Variants in AUTS2 observed in about 807,000 individuals in gnomAD.
AUTS2 encodes the protein activator of transcription and developmental regulator AUTS2, also known as autism susceptibility gene 2 protein.
AUTS2 carries 17 observed loss-of-function variants against 112.4 expected under a neutral mutation model. The ratio of observed to expected loss-of-function variants is 0.15; its 90% CI spans 0.10 to 0.23. The LOEUF (loss-of-function observed/expected upper bound fraction) is 0.23, where lower values mean the gene tolerates loss of function less well. AUTS2 is among the 10% of genes least tolerant of loss of function. The probability of loss-of-function intolerance (pLI) is 1.00; values close to 1 mark genes in which losing one functional copy is unlikely to be tolerated. For synonymous variants in AUTS2, 751 were observed against 702.7 expected, an observed-to-expected ratio of 1.07 and a Z score of -1.09; for missense variants, 1,510 against 1,701.6, an observed-to-expected ratio of 0.89 and a Z score of 1.98.
intron 4 of AUTS2, among the ~76,000 whole-genome samples, chr7:70,324,561 G>C (rs1318735483): frequency 6.6e-6 from 1 of 151,948 alleles, no homozygotes; most frequent in Non-Finnish European, 1.5e-5. Context: ...GCGGTTCAAG[G>C]CTACAGTAAA....
intron 4 of AUTS2, among the ~76,000 whole-genome samples, chr7:70,367,050 T>C (rs570388296): frequency 1.2e-4 from 19 of 152,206 alleles, no homozygotes; most frequent in African/African-American, 4.6e-4. Context: ...TCTGGGTGGC[T>C]GAGATGGGCA....
At chr7:70,342,505 G>A (rs997051315) in intron 4 of AUTS2, among the ~76,000 whole-genome samples, 1 of 152,106 alleles carries the variant, frequency 6.6e-6, no homozygotes. Context: ...TTCCCATGAT[G>A]TTGGAAGTGT....
At chr7:69,776,053 C>T (rs902801054) in intron 1 of AUTS2, among the ~76,000 whole-genome samples, 1 of 152,120 alleles carries the variant, frequency 6.6e-6, no homozygotes, top group African/African-American at 2.4e-5. Flanking sequence ...TCAGTGCTTA[C>T]TTAGTTGGTC....
chr7:70,654,572 G>T (rs1806672456), intron 5 of AUTS2, among the ~76,000 whole-genome samples: 1 of 152,090 alleles, frequency 6.6e-6, no homozygotes, highest in South Asian at 2.1e-4. Context: ...AGAAAAATTA[G>T]GGGTTAGTAA....
At chr7:69,651,451 C>T (rs1303875063) in intron 1 of AUTS2, among the ~76,000 whole-genome samples, 3 of 152,202 alleles carry the variant, frequency 2.0e-5, no homozygotes, top group East Asian at 1.9e-4. Flanking sequence ...TTTGAACTAG[C>T]GTGTTCTGGG....
At chr7:70,672,638 C>G (rs971235361) in intron 5 of AUTS2, among the ~76,000 whole-genome samples, 7 of 152,026 alleles carry the variant, frequency 4.6e-5, no homozygotes, top group Admixed American at 2.6e-4. Flanking sequence ...GAATCTCACT[C>G]TGTCACCAGG....
intron 1 of AUTS2, among the ~76,000 whole-genome samples, chr7:69,879,716 A>C (rs1291019569): frequency 6.6e-6 from 1 of 152,234 alleles, no homozygotes; most frequent in Non-Finnish European, 1.5e-5. Flanking sequence ...TAGTGAGTGT[A>C]GCATAGGCTC....
chr7:70,705,144 T>C (rs1436502550), intron 6 of AUTS2, among the ~76,000 whole-genome samples: 1 of 152,234 alleles, frequency 6.6e-6, no homozygotes, highest in African/African-American at 2.4e-5. Context: ...TAAAACTCTA[T>C]TGTTTTGCGG....
At chr7:69,692,297 T>G (rs1263893029) in intron 1 of AUTS2, among the ~76,000 whole-genome samples, 1 of 152,156 alleles carries the variant, frequency 6.6e-6, no homozygotes, top group Non-Finnish European at 1.5e-5. Context: ...TCCTTTGAAA[T>G]GAGGAGTTTT....
rs1004014060 is a variant in AUTS2 at position 70,767,892 on chromosome 7, G to A, written c.1690-132G>A. The A allele has an allele frequency of 9.8e-6, 8 of 813,952 alleles. No homozygotes were observed. In the Admixed American group the frequency reaches 1.9e-4, roughly 20 times the overall value. 50.4% of individuals were successfully genotyped at this position (813,952 alleles called of 1,614,324 possible). On this transcript the variant is annotated intron_variant, in intron 9 of 18. Transcript: ENST00000342771. ...CAGGGAGACTCAGGAGCTCAGAATG[G>A]TTTCATATGTAATGAGGTTATGGGG...
chr7:70,310,855 C>A (rs1416578832), intron 4 of AUTS2, among the ~76,000 whole-genome samples: 2 of 152,058 alleles, frequency 1.3e-5, no homozygotes, highest in African/African-American at 4.8e-5. Context: ...CTTGTCATGC[C>A]AAAATGATGG....
chr7:70,781,802 C>A, intron 15 of AUTS2, 46 bp downstream of exon 15: 1 of 1,590,544 alleles, frequency 6.3e-7, no homozygotes. Flanking sequence ...AAATGTAGTT[C>A]TCAGGTAACT....
intron 1 of AUTS2, among the ~76,000 whole-genome samples, chr7:69,644,215 A>G (rs1156518680): frequency 1.3e-5 from 2 of 152,214 alleles, no homozygotes; most frequent in Non-Finnish European, 2.9e-5. Context: ...AAAGGTTGCC[A>G]GATAGCAGGG....
At position 70,790,863 on chromosome 7, in the gene AUTS2, C is replaced by G. The variant is rs1279218604; in HGVS notation, c.3647C>G (p.Ala1216Gly). 1.2e-6 allele frequency: 2 copies of G among 1,606,102 alleles called. No individual in the cohort carries two copies. The change falls in exon 19 of 19, where the codon GCG (alanine) becomes GGG (glycine). Residue 1216 changes from alanine (A) to glycine (G), a missense_variant. Transcript: ENST00000342771. This position sits in a 1 kb window ranked among gnomAD's most constrained non-coding sequence, Gnocchi z 7.6. ...CTCAACAAGACCCCTCCGACAGCAG[C>G]GCTGAGCGCACCTCCCCCGCTCATC... is the stretch of plus-strand genomic sequence containing the variant. ...GLLNKTPPTA[A>G]LSAPPPLIST...
intron 4 of AUTS2, among the ~76,000 whole-genome samples, chr7:70,335,322 C>T (rs1167901915): frequency 6.6e-6 from 1 of 152,274 alleles, no homozygotes; most frequent in East Asian, 1.9e-4. Context: ...CTCTCTCCTG[C>T]CCAATTCTTA....
rs149858665 is a variant in AUTS2 at position 70,107,254 on chromosome 7, A to G, written c.523-10878A>G. Reference sequence around the variant, plus strand: ...TATGGAATCTAAAGGCTGATTTTGTATGCTCACTAGCACACATGATACTTT... The same window carrying G: ...TATGGAATCTAAAGGCTGATTTTGTGTGCTCACTAGCACACATGATACTTT... On this transcript the variant is annotated intron_variant, in intron 2 of 18. Transcript: ENST00000342771. 2.5e-4 allele frequency among the ~76,000 whole-genome samples: 38 copies of G among 150,176 alleles called. No individual in the cohort carries two copies. In the East Asian group the frequency reaches 6.6e-3, roughly 26 times the overall value.
intron 4 of AUTS2, among the ~76,000 whole-genome samples, chr7:70,369,164 T>A (rs1040466513): frequency 2.0e-5 from 3 of 152,098 alleles, no homozygotes; most frequent in African/African-American, 7.2e-5. Flanking sequence ...AGAGAAACCA[T>A]TGCAGGGAGA....
intron 2 of AUTS2, among the ~76,000 whole-genome samples, chr7:70,072,144 T>C (rs144495481): frequency 6.6e-6 from 1 of 152,328 alleles, no homozygotes; most frequent in East Asian, 1.9e-4. Flanking sequence ...TTTTTAATTT[T>C]TCTTTTCTTC....
chr7:70,488,286 TG>T (rs1798096858), intron 5 of AUTS2, among the ~76,000 whole-genome samples: 1 of 152,158 alleles, frequency 6.6e-6, no homozygotes, highest in African/African-American at 2.4e-5. Flanking sequence ...CCTTTCCTTC[TG>T]TTTGTCATTT....
Sources: allele counts gnomAD v4.1 joint callset (sites outside exome capture counted in the v4.1 genomes callset), GRCh38; gene constraint gnomAD v4.1.1; non-coding constraint Gnocchi (gnomAD v3.1); transcripts MANE v1.5; gene names NCBI Gene and HGNC (gene_info 2026-07-23, HGNC 2026-07-21).